DNAH9: variants seen among roughly 807,000 people sequenced by gnomAD.
DNAH9 encodes dynein axonemal heavy chain 9.
DNAH9 carries 345 observed loss-of-function variants against 471.6 expected under a neutral mutation model. The ratio of observed to expected loss-of-function variants is 0.73; its 90% confidence interval spans 0.67 to 0.80. The LOEUF is 0.80. DNAH9 is among the 30% of genes least tolerant of loss of function. The probability of loss-of-function intolerance (pLI) is 0.00; values close to 1 mark genes in which losing one functional copy is unlikely to be tolerated. For missense variants in DNAH9, 5,407 were observed against 5,609.2 expected, an observed-to-expected ratio of 0.96 and a Z score of 1.15; for synonymous variants, 2,093 against 2,123.6, an observed-to-expected ratio of 0.99 and a Z score of 0.40.
At chr17:11,742,082 T>G in intron 29 of DNAH9, 93 bp from the exon 30 acceptor site, 1 of 1,168,398 alleles carries the variant, frequency 8.6e-7, no homozygotes, top group Non-Finnish European at 1.3e-6. Flanking sequence ...GATGCCTCCA[T>G]GTGTGATCTC....
rs59253087 is a variant in DNAH9, at chr17:11,774,007, G to A, written c.7552+4678G>A. Among the ~76,000 whole-genome samples, 860 of 152,084 alleles carry A rather than the reference G, an allele frequency of 5.7e-3. 5 individuals carry two copies. Among genetic ancestry groups the A allele is most frequent in the African/African-American group, 0.019 (782 of 41,506 alleles). ...AAAAATTAGCCAGGCGTGGTGGTGC[G>A]TGCCTGTAGTCCCAGCTACTCAGGA... is the stretch of plus-strand genomic sequence containing the variant. On this transcript the variant is annotated intron_variant, in intron 38 of 68. Transcript: ENST00000262442.
chr17:11,762,667 G>A (rs1967728057), intron 35 of DNAH9, among the ~76,000 whole-genome samples: 1 of 148,154 alleles, frequency 6.7e-6, no homozygotes, highest in African/African-American at 2.5e-5. Context: ...CAGAAAAAGT[G>A]TTTTTGGTGT....
intron 57 of DNAH9, 113 bp downstream of exon 57, chr17:11,887,078 A>T: frequency 7.3e-7 from 1 of 1,374,060 alleles, no homozygotes; most frequent in Non-Finnish European, 9.8e-7. Flanking sequence ...GCAAGTCTGT[A>T]AGATCAAAGC....
chr17:11,951,847 T>A (rs1249013192), intron 67 of DNAH9, among the ~76,000 whole-genome samples: 2 of 149,124 alleles, frequency 1.3e-5, no homozygotes, highest in Non-Finnish European at 3.0e-5. Context: ...TGCTTGAACC[T>A]GGAAGGCAGA....
intron 6 of DNAH9, among the ~76,000 whole-genome samples, chr17:11,625,293 T>C (rs2072949361): frequency 6.6e-6 from 1 of 152,202 alleles, no homozygotes; most frequent in African/African-American, 2.4e-5. Flanking sequence ...TGCGAAGTGA[T>C]TAGCAGGTAC....
At chr17:11,624,010 C>T (rs926777693) in intron 6 of DNAH9, among the ~76,000 whole-genome samples, 4 of 152,084 alleles carry the variant, frequency 2.6e-5, no homozygotes, top group African/African-American at 9.7e-5. Context: ...TATACATTGC[C>T]CAGTATTTTT....
intron 48 of DNAH9, among the ~76,000 whole-genome samples, chr17:11,829,235 A>G (rs1970605762): frequency 6.6e-6 from 1 of 152,232 alleles, no homozygotes; most frequent in African/African-American, 2.4e-5. Flanking sequence ...ATAGTGGTAT[A>G]AGGCTAAGGA....
At chr17:11,797,920 C>G (rs1969305479) in intron 43 of DNAH9, 127 bp downstream of exon 43, 1 of 926,758 alleles carries the variant, frequency 1.1e-6, no homozygotes, top group African/African-American at 1.7e-5. Flanking sequence ...CCTTAAAAGT[C>G]AAGATGGCTG....
chr17:11,862,032 C>A (rs536975900), intron 50 of DNAH9, among the ~76,000 whole-genome samples: 2,954 of 149,536 alleles, frequency 0.02, 52 homozygotes, highest in Non-Finnish European at 0.03. Context: ...TTAATTACAT[C>A]CCATTTGTCA....
intron 15 of DNAH9, among the ~76,000 whole-genome samples, chr17:11,668,725 C>G (rs979479380): frequency 3.3e-5 from 5 of 151,060 alleles, no homozygotes; most frequent in African/African-American, 1.2e-4. Context: ...GACTGTCCCC[C>G]AGGAGGCATT....
At chr17:11,729,248 A>T (rs1345586299) in intron 28 of DNAH9, among the ~76,000 whole-genome samples, 1 of 152,076 alleles carries the variant, frequency 6.6e-6, no homozygotes, top group East Asian at 1.9e-4. Flanking sequence ...AAGATAAAGC[A>T]CATCGTTTGC....
Position 11,932,256 on chromosome 17 carries a change from T to C in DNAH9, c.12297+51T>C. 6.3e-7 allele frequency: 1 copy of C among 1,575,058 alleles called. No homozygotes were observed. Among genetic ancestry groups the C allele is most frequent in the Non-Finnish European group, 8.7e-7 (1 of 1,156,024 alleles). On this transcript the variant is annotated intron_variant, in intron 64 of 68. Coordinates refer to ENST00000262442, the MANE Select transcript of DNAH9 (RefSeq NM_001372.4). The surrounding 1 kb of genome is among the most constrained non-coding windows in gnomAD (Gnocchi z 4.3). ...CAGCCAGGTTGGGAGAGGGTTAAAA[T>C]TATTTAATTTTGAGGGGTGAATCAG...
Position 11,629,556 on chromosome 17 carries a change from C to T in DNAH9, c.1490C>T (p.Ser497Phe), listed in dbSNP as rs1229312785. The T allele has an allele frequency of 3.1e-6, 5 of 1,613,784 alleles. No individual in the cohort carries two copies. Among genetic ancestry groups the T allele is most frequent in the African/African-American group, 1.3e-5 (1 of 74,902 alleles). ...ATGTACAGGCTTCTCTCAGGATCCT[C>T]CTCCGACTGCCTGTACCTCCAAAGC... ...QEMYRLLSGSSSDCLYLQSTD... is the reference protein window; with the variant it reads ...QEMYRLLSGSFSDCLYLQSTD... Residue 497 changes from serine to phenylalanine, a missense_variant, in exon 7 of 69, where the codon TCC becomes TTC. Coordinates refer to ENST00000262442, the MANE Select transcript of DNAH9 (RefSeq NM_001372.4).
chr17:11,764,200 G>T (rs889186390), intron 36 of DNAH9, among the ~76,000 whole-genome samples: 25 of 152,126 alleles, frequency 1.6e-4, no homozygotes, highest in African/African-American at 6.0e-4. Flanking sequence ...TTGGAAGAAG[G>T]GATATGTGGC....
chr17:11,776,909 T>C (rs537587187), intron 38 of DNAH9, among the ~76,000 whole-genome samples: 12 of 152,310 alleles, frequency 7.9e-5, no homozygotes, highest in Admixed American at 2.0e-4. Context: ...TCCAGCAGTT[T>C]CTCTGAACTC....
At chr17:11,725,460 C>T (rs2075134368) in intron 27 of DNAH9, among the ~76,000 whole-genome samples, 1 of 152,212 alleles carries the variant, frequency 6.6e-6, no homozygotes, top group Non-Finnish European at 1.5e-5. Flanking sequence ...CTAGAACAAT[C>T]TCTGGCACAT....
At chr17:11,731,654 G>T (rs1343019152) in intron 28 of DNAH9, among the ~76,000 whole-genome samples, 1 of 149,762 alleles carries the variant, frequency 6.7e-6, no homozygotes, top group African/African-American at 2.5e-5. Context: ...GCGGTGTTTG[G>T]TTTTTTGTCC....
chr17:11,842,096 TAAA>T (rs1041585087), intron 49 of DNAH9, among the ~76,000 whole-genome samples: 5 of 152,016 alleles, frequency 3.3e-5, no homozygotes, highest in Non-Finnish European at 7.4e-5. Flanking sequence ...TAACAAGTAA[TAAA>T]AAAAGATTTT....
At chr17:11,619,848 G>A in intron 6 of DNAH9, 67 bp downstream of exon 6, 2 of 891,432 alleles carry the variant, frequency 2.2e-6, no homozygotes, top group Non-Finnish European at 3.7e-6. Flanking sequence ...GGTCCAAAAA[G>A]TGGAATAGGA....
Sources: gnomAD v4.1 joint callset for allele counts (sites outside exome capture counted in the v4.1 genomes callset) on GRCh38, gnomAD v4.1.1 for gene constraint, Gnocchi (gnomAD v3.1) non-coding constraint, MANE v1.5 for transcripts, NCBI Gene and HGNC (gene_info 2026-07-23, HGNC 2026-07-21) for gene names.